The following CADPS2 variants were observed in gnomAD, a reference collection of about 807,000 sequenced individuals.
CADPS2 encodes the protein calcium dependent secretion activator 2, also known as calcium-dependent secretion activator 2.
Under a neutral mutation model 172.5 loss-of-function variants are expected in CADPS2, and 93 were observed. The observed-to-expected ratio is 0.54, with a 90% CI of 0.46 to 0.64. CADPS2 has a LOEUF of 0.64. Among genes scored for constraint, CADPS2 ranks in the 30% least tolerant of loss-of-function variants. The probability of loss-of-function intolerance (pLI) is 0.00; values close to 1 mark genes in which losing one functional copy is unlikely to be tolerated. For missense variants in CADPS2, 1,420 were observed against 1,565.9 expected, an observed-to-expected ratio of 0.91 and a Z score of 1.57; for synonymous variants, 546 against 555.2, an observed-to-expected ratio of 0.98 and a Z score of 0.23.
chr7:122,438,270 C>G, intron 17 of CADPS2, 71 bp downstream of exon 17: 1 of 1,584,842 alleles, frequency 6.3e-7, no homozygotes, highest in South Asian at 1.1e-5. Context: ...GAAAGGACTT[C>G]TCATAGAAAA....
intron 28 of CADPS2, among the ~76,000 whole-genome samples, chr7:122,338,139 G>A (rs1399467375): frequency 6.6e-6 from 1 of 152,176 alleles, no homozygotes; most frequent in Non-Finnish European, 1.5e-5. Flanking sequence ...GCTCATGCCT[G>A]TAATCCCAGC....
intron 1 of CADPS2, among the ~76,000 whole-genome samples, chr7:122,880,778 G>A (rs1444270859): frequency 6.6e-6 from 1 of 152,064 alleles, no homozygotes; most frequent in Admixed American, 6.5e-5. Flanking sequence ...AAAACATTTA[G>A]GTAACTGAAA....
intron 1 of CADPS2, among the ~76,000 whole-genome samples, chr7:122,759,347 G>A (rs1396486948): frequency 1.3e-5 from 2 of 152,194 alleles, no homozygotes; most frequent in Non-Finnish European, 2.9e-5. Flanking sequence ...AAAAGGCAGA[G>A]TTAAAGACAC....
At position 122,549,800 on chromosome 7, in the gene CADPS2, T is replaced by C. The variant is rs562263240; in HGVS notation, c.1475+4750A>G. 3.3e-5 allele frequency among the ~76,000 whole-genome samples: 5 copies of C among 152,156 alleles called. No homozygotes were observed. The East Asian group carries it at 9.7e-4, about 29-fold the overall frequency. On this transcript the variant is annotated intron_variant, in intron 8 of 29. Coordinates refer to ENST00000449022, the MANE Select transcript of CADPS2 (RefSeq NM_017954.11). ...GTCAAGGTCAGATGTCGAAACATAGTTATTTTAGACAAGGACACAGGGGAA... is the reference window on the plus strand; with the variant it reads ...GTCAAGGTCAGATGTCGAAACATAGCTATTTTAGACAAGGACACAGGGGAA...
intron 28 of CADPS2, among the ~76,000 whole-genome samples, chr7:122,333,244 A>C (rs965165758): frequency 5.3e-5 from 8 of 152,242 alleles, no homozygotes; most frequent in Non-Finnish European, 7.3e-5. Flanking sequence ...TGTAGGATTT[A>C]TATAAAAGTA....
intron 28 of CADPS2, among the ~76,000 whole-genome samples, chr7:122,341,277 T>A (rs2036746590): frequency 6.6e-6 from 1 of 152,224 alleles, no homozygotes; most frequent in Non-Finnish European, 1.5e-5. Flanking sequence ...CACCTTGTTT[T>A]CACATGGCTA....
At position 122,387,074 on chromosome 7, in the gene CADPS2, A is replaced by G. The variant is rs1268047730; in HGVS notation, c.3264T>C (p.Asp1088=). The G allele has an allele frequency of 1.3e-6, 2 of 1,561,092 alleles. No homozygotes were observed. The highest frequency in any genetic ancestry group is 1.4e-5 in the African/African-American group (1 of 73,748). Residue 1088 remains aspartate (D), a synonymous_variant, in exon 24 of 30, where the codon GAT becomes GAC. Transcript: ENST00000449022. ...SVCTMFNVLV[D]AKKQSTKLCA... is the part of the protein sequence containing the mutation. The stretch of plus-strand genomic sequence containing the variant: ...AGAGTTTGGTGCTTTGCTTTTTGGC[A>G]TCGACTAATACATTAAACATAGTGC...
At chr7:122,542,717 A>ATT (rs765674079) in intron 8 of CADPS2, among the ~76,000 whole-genome samples, 1 of 150,734 alleles carries the variant, frequency 6.6e-6, no homozygotes, top group Non-Finnish European at 1.5e-5. Context: ...TTTATTCATT[A>ATT]TTTTTTTTTC....
At chr7:122,373,479 A>T (rs1197749900) in intron 25 of CADPS2, among the ~76,000 whole-genome samples, 1 of 152,172 alleles carries the variant, frequency 6.6e-6, no homozygotes, top group African/African-American at 2.4e-5. Context: ...ATAAAACCAC[A>T]ATCTATCCTG....
intron 1 of CADPS2, among the ~76,000 whole-genome samples, chr7:122,755,909 C>T (rs2093140528): frequency 6.6e-6 from 1 of 152,100 alleles, no homozygotes; most frequent in African/African-American, 2.4e-5. Context: ...TCCTGGATTC[C>T]ACATTAAATT....
intron 1 of CADPS2, among the ~76,000 whole-genome samples, chr7:122,820,556 G>GTTTTTTTTTTTTTTT (rs551121404): frequency 2.1e-4 from 18 of 86,516 alleles, no homozygotes; most frequent in Non-Finnish European, 2.9e-4. Context: ...TTTGTTTTTT[G>GTTTTTTTTTTTTTTT]TTTTTTTTTT....
intron 7 of CADPS2, among the ~76,000 whole-genome samples, chr7:122,579,630 CATT>C (rs1262775920): frequency 6.6e-6 from 1 of 151,348 alleles, no homozygotes; most frequent in African/African-American, 2.4e-5. Context: ...AGAAAAGTAA[CATT>C]AATTTTACCC....
intron 2 of CADPS2, among the ~76,000 whole-genome samples, chr7:122,666,852 G>A (rs2081243464): frequency 6.6e-6 from 1 of 152,034 alleles, no homozygotes; most frequent in Admixed American, 6.6e-5. Context: ...ACCCCACTGT[G>A]GACAGCTTCC....
At chr7:122,342,149 T>C (rs702419) in intron 28 of CADPS2, among the ~76,000 whole-genome samples, 121,984 of 152,060 alleles carry the variant, frequency 0.8, 49,363 homozygotes, top group East Asian at 1. Context: ...AGATTTTATT[T>C]ATTTCCTCTC....
intron 1 of CADPS2, among the ~76,000 whole-genome samples, chr7:122,865,828 A>G (rs1005564456): frequency 6.6e-6 from 1 of 152,238 alleles, no homozygotes; most frequent in Non-Finnish European, 1.5e-5. Flanking sequence ...TTGGAGGTCC[A>G]CTAGCAGTAG....
In CADPS2 at chr7:122,433,405, G is replaced by A. The variant is rs1347215371; in HGVS notation, c.2476+4936C>T. ...CATTGATTTTTCTTTGTGTTTTTTT[G>A]GTTTTTTTTTTTTTTGAGATGGAGT... On this transcript the variant is annotated intron_variant, in intron 17 of 29. Coordinates refer to ENST00000449022, the MANE Select transcript of CADPS2 (RefSeq NM_017954.11). Among the ~76,000 whole-genome samples the A allele has an allele frequency of 5.2e-5, 7 of 133,826 alleles. No homozygotes were observed. In the East Asian group the frequency reaches 7.0e-4, roughly 13 times the overall value. The allele number at this position is 133,826 out of a possible 152,430, so 87.8% of individuals were successfully genotyped here. A position where few individuals can be genotyped will look rare whatever the true frequency, so the allele number is the denominator to read the frequency against.
At chr7:122,333,667 G>A (rs2035379888) in intron 28 of CADPS2, among the ~76,000 whole-genome samples, 1 of 152,082 alleles carries the variant, frequency 6.6e-6, no homozygotes, top group Non-Finnish European at 1.5e-5. Context: ...GGTACAATTA[G>A]GGGCTCACCT....
intron 1 of CADPS2, among the ~76,000 whole-genome samples, chr7:122,871,182 G>A (rs1167907537): frequency 3.3e-5 from 5 of 149,784 alleles, no homozygotes; most frequent in Non-Finnish European, 7.4e-5. Flanking sequence ...CCACAGTGCT[G>A]GGAAAAAAAA....
At chr7:122,436,230 C>T (rs182052970) in intron 17 of CADPS2, 70 of 414,486 alleles carry the variant, frequency 1.7e-4, no homozygotes, top group Non-Finnish European at 6.9e-5. Context: ...CTATTTACCT[C>T]CAAATTCATC....
Sources: gnomAD v4.1 joint callset for allele counts (sites outside exome capture counted in the v4.1 genomes callset) on GRCh38, gnomAD v4.1.1 for gene constraint, MANE v1.5 for transcripts, NCBI Gene and HGNC (gene_info 2026-07-23, HGNC 2026-07-21) for gene names.